The following SGCD variants were observed in gnomAD, a reference collection of about 807,000 sequenced individuals.
SGCD encodes the protein delta-sarcoglycan.
Under a neutral mutation model 36.6 loss-of-function variants are expected in SGCD, and 18 were observed. The observed-to-expected ratio is 0.49, with a 90% CI of 0.34 to 0.73. The LOEUF (loss-of-function observed/expected upper bound fraction) is 0.73. SGCD is among the 30% of genes least tolerant of loss of function. The pLI, the probability that SGCD is intolerant of heterozygous loss-of-function variation, is 0.01. For synonymous variants in SGCD, 133 were observed against 130.6 expected, an observed-to-expected ratio of 1.02 and a Z score of -0.12; for missense variants, 387 against 346.7, an observed-to-expected ratio of 1.12 and a Z score of -0.92.
intron 3 of SGCD, among the ~76,000 whole-genome samples, chr5:156,346,923 G>A (rs192171479): frequency 2.4e-3 from 360 of 151,858 alleles, no homozygotes; most frequent in African/African-American, 8.0e-3. Flanking sequence ...TCAGCCTCCC[G>A]AGTAGCTGGG....
chr5:156,385,979 G>A (rs952468949), intron 3 of SGCD, among the ~76,000 whole-genome samples: 7 of 152,212 alleles, frequency 4.6e-5, no homozygotes, highest in Non-Finnish European at 7.3e-5. Flanking sequence ...TAAGCATACA[G>A]TTAAAGTCAG....
intron 6 of SGCD, among the ~76,000 whole-genome samples, chr5:156,620,146 G>A (rs1222830510): frequency 6.6e-6 from 1 of 152,196 alleles, no homozygotes; most frequent in Non-Finnish European, 1.5e-5. Context: ...CACTGGGTAA[G>A]TTTATCAATC....
chr5:155,959,233 T>G (rs1433533310), intron 1 of SGCD, among the ~76,000 whole-genome samples: 1 of 152,164 alleles, frequency 6.6e-6, no homozygotes, highest in Non-Finnish European at 1.5e-5. Context: ...GCAGTTTTTC[T>G]TCCTATATCT....
intron 7 of SGCD, among the ~76,000 whole-genome samples, chr5:156,698,560 T>C (rs1754406646): frequency 6.6e-6 from 1 of 152,202 alleles, no homozygotes; most frequent in African/African-American, 2.4e-5. Context: ...GAACAGATGG[T>C]ATTCGGCTTG....
intron 3 of SGCD, among the ~76,000 whole-genome samples, chr5:156,139,068 C>A (rs1762519293): frequency 6.6e-6 from 1 of 152,050 alleles, no homozygotes; most frequent in African/African-American, 2.4e-5. Flanking sequence ...TTTTAATATT[C>A]CAGATATAGT....
intron 2 of SGCD, among the ~76,000 whole-genome samples, chr5:156,334,681 A>G (rs923410185): frequency 3.1e-5 from 4 of 130,132 alleles, no homozygotes; most frequent in African/African-American, 1.2e-4. Context: ...TCTCCTTGTG[A>G]CATAAATATA....
At chr5:156,046,008 T>A (rs1759755865) in intron 1 of SGCD, among the ~76,000 whole-genome samples, 1 of 152,154 alleles carries the variant, frequency 6.6e-6, no homozygotes, top group Non-Finnish European at 1.5e-5. Flanking sequence ...TATAATATGC[T>A]CCAATCCATG....
At chr5:156,505,306 A>G (rs549278017) in intron 3 of SGCD, among the ~76,000 whole-genome samples, 1 of 152,302 alleles carries the variant, frequency 6.6e-6, no homozygotes, top group African/African-American at 2.4e-5. Flanking sequence ...GTGCCAGAAT[A>G]GAAATATACA....
chr5:155,881,362 G>C (rs1755881588), intron 1 of SGCD, among the ~76,000 whole-genome samples: 1 of 147,242 alleles, frequency 6.8e-6, no homozygotes, highest in Non-Finnish European at 1.5e-5. Flanking sequence ...TGAATGTTTT[G>C]GTTTCCCAGT....
intron 3 of SGCD, among the ~76,000 whole-genome samples, chr5:156,407,506 T>C (rs1279986740): frequency 1.3e-5 from 2 of 152,140 alleles, no homozygotes; most frequent in African/African-American, 4.8e-5. Context: ...CAGAAACTCA[T>C]AAAATGTTGA....
Position 156,470,320 on chromosome 5 carries a change from A to G in SGCD, c.193-38281A>G, listed in dbSNP as rs560108139. On this transcript the variant is annotated intron_variant, in intron 3 of 8. Transcript: ENST00000337851. The stretch of plus-strand genomic sequence containing the variant: ...TTGTCTAAATATGAATGATTGTTAC[A>G]TAATTCATGAAGTTGCTGATGTTTT... Among the ~76,000 whole-genome samples the G allele has an allele frequency of 2.0e-5, 3 of 151,464 alleles. No homozygotes were observed. The South Asian group carries it at 6.2e-4, about 31-fold the overall frequency.
chr5:156,604,667 T>G (rs1017259613), intron 6 of SGCD, among the ~76,000 whole-genome samples: 2 of 150,356 alleles, frequency 1.3e-5, no homozygotes, highest in African/African-American at 4.9e-5. Context: ...TGAAAACATA[T>G]ATTTAAATTA....
chr5:155,920,029 A>T (rs1031624548), intron 1 of SGCD, among the ~76,000 whole-genome samples: 1 of 152,112 alleles, frequency 6.6e-6, no homozygotes. Context: ...ATAGCAGGAC[A>T]TTTGTGGTGA....
chr5:156,180,259 A>G (rs1014895051), intron 3 of SGCD, among the ~76,000 whole-genome samples: 32 of 152,340 alleles, frequency 2.1e-4, no homozygotes, highest in Non-Finnish European at 1.0e-4. Flanking sequence ...AGCAAACCAT[A>G]ATACTTAATG....
chr5:156,292,406 G>A (rs1350157113), intron 3 of SGCD, among the ~76,000 whole-genome samples: 2 of 152,004 alleles, frequency 1.3e-5, no homozygotes, highest in African/African-American at 2.4e-5. Flanking sequence ...TTAGCATAAC[G>A]TCCTCAAGGT....
At chr5:156,274,298 A>G (rs1025981190) in intron 3 of SGCD, among the ~76,000 whole-genome samples, 5 of 152,150 alleles carry the variant, frequency 3.3e-5, no homozygotes, top group Non-Finnish European at 7.4e-5. Flanking sequence ...AGAGGTTGTC[A>G]TGGTTTGTTC....
intron 1 of SGCD, among the ~76,000 whole-genome samples, chr5:156,070,875 G>T (rs542622622): frequency 6.6e-6 from 1 of 152,120 alleles, no homozygotes; most frequent in African/African-American, 2.4e-5. Flanking sequence ...TGTATGTGAT[G>T]AGGAATTTAT....
chr5:156,668,073 C>A (rs7716575), intron 7 of SGCD, among the ~76,000 whole-genome samples: 3,410 of 152,148 alleles, frequency 0.022, 82 homozygotes, highest in African/African-American at 0.049. Context: ...CATTATGTTG[C>A]CTCTATTTTT....
intron 1 of SGCD, among the ~76,000 whole-genome samples, chr5:155,959,260 C>A (rs2113446219): frequency 1.3e-5 from 2 of 152,264 alleles, no homozygotes; most frequent in South Asian, 4.1e-4. Flanking sequence ...ATTCCTTTAT[C>A]TCACATATAT....
Sources: allele counts gnomAD v4.1 joint callset (sites outside exome capture counted in the v4.1 genomes callset), GRCh38; gene constraint gnomAD v4.1.1; transcripts MANE v1.5; gene names NCBI Gene and HGNC (gene_info 2026-07-23, HGNC 2026-07-21).